The following SRRM3 variants were observed in gnomAD, a reference collection of about 807,000 sequenced individuals.
The protein encoded by SRRM3 is serine/arginine repetitive matrix 3, also known as serine/arginine repetitive matrix protein 3.
SRRM3 carries 27 observed loss-of-function variants against 66.2 expected under a neutral mutation model. The observed-to-expected ratio is 0.41, with a 90% CI of 0.30 to 0.56. SRRM3 has a LOEUF of 0.56. Ranked by LOEUF, SRRM3 falls within the 20% of genes least tolerant of loss-of-function variation. SRRM3 has a pLI of 0.32. For missense variants in SRRM3, 918 were observed against 991.9 expected, an observed-to-expected ratio of 0.93 and a Z score of 1.00; for synonymous variants, 391 against 414.9, an observed-to-expected ratio of 0.94 and a Z score of 0.70.
At position 76,248,197 on chromosome 7, in the gene SRRM3, G is replaced by C; in HGVS notation, c.243G>C (p.Glu81Asp). 6.2e-7 allele frequency: 1 copy of C among 1,613,264 alleles called. No homozygotes were observed. The highest frequency in any genetic ancestry group is 8.5e-7 in the Non-Finnish European group (1 of 1,179,634). ...QEMMEEQGYS[E>D]EEIRQKVGTF... ...CTCTGTGCCCCTGCAGGTATTCGGA[G>C]GAGGAGATTCGGCAGAAAGTGGGGA... Residue 81 changes from glutamate (E) to aspartate (D), a missense_variant, in exon 3 of 15, where the codon GAG (glutamate) becomes GAC (aspartate). Physicochemically the swap from Glu to Asp is conservative, Grantham distance 45 (BLOSUM62 2). Coordinates refer to ENST00000611745, the MANE Select transcript of SRRM3 (RefSeq NM_001110199.3).
intron 2 of SRRM3, among the ~76,000 whole-genome samples, chr7:76,246,400 C>T (rs1173381527): frequency 6.6e-6 from 1 of 151,934 alleles, no homozygotes; most frequent in Non-Finnish European, 1.5e-5. Flanking sequence ...CCCATCTCTA[C>T]TAAAAATACA....
chr7:76,254,124 T>A (rs575224500), intron 3 of SRRM3, among the ~76,000 whole-genome samples: 47 of 151,930 alleles, frequency 3.1e-4, no homozygotes, highest in Non-Finnish European at 5.7e-4. Flanking sequence ...CAAGTAGTCA[T>A]CCCACCAGGA....
chr7:76,255,562 C>T (rs1264097303), intron 3 of SRRM3, among the ~76,000 whole-genome samples: 3 of 152,192 alleles, frequency 2.0e-5, no homozygotes, highest in African/African-American at 7.2e-5. Context: ...TGGCCCCAGC[C>T]TCCCAGGTAG....
In SRRM3 at chr7:76,259,970, G is replaced by T. The variant is rs1554608297; in HGVS notation, c.400G>T (p.Asp134Tyr). The change falls in exon 4 of 15, where the codon GAT (aspartate) becomes TAT (tyrosine). Residue 134 changes from aspartate to tyrosine, a missense_variant. Transcript: ENST00000611745. ...EPGLEYAPFD[D>Y]DDGPVDCDCP... ...GGGCCTGGAGTACGCGCCCTTTGAC[G>T]ATGACGACGGCCCAGTGGACTGTGA... is the stretch of plus-strand genomic sequence containing the variant. 1 of 1,600,818 alleles carries T rather than the reference G, an allele frequency of 6.2e-7. No homozygotes were observed.
At chr7:76,243,553 T>C (rs1554605830) in intron 2 of SRRM3, among the ~76,000 whole-genome samples, 1 of 152,152 alleles carries the variant, frequency 6.6e-6, no homozygotes, top group African/African-American at 2.4e-5. Flanking sequence ...CCCCCAGCCC[T>C]GCATATATGC....
At chr7:76,253,703 C>T (rs1377761729) in intron 3 of SRRM3, among the ~76,000 whole-genome samples, 1 of 149,870 alleles carries the variant, frequency 6.7e-6, no homozygotes, top group Non-Finnish European at 1.5e-5. Context: ...GTCATCCTAG[C>T]TTCTCGGGAG....
chr7:76,212,463 G>A (rs1343220094), intron 1 of SRRM3, among the ~76,000 whole-genome samples: 9 of 124,738 alleles, frequency 7.2e-5, no homozygotes, highest in Non-Finnish European at 1.3e-4. Flanking sequence ...AGCAAGGTCT[G>A]CTTTTTTTTT....
intron 1 of SRRM3, among the ~76,000 whole-genome samples, chr7:76,209,806 A>G (rs140961076): frequency 1.1e-4 from 16 of 152,088 alleles, no homozygotes; most frequent in South Asian, 6.2e-4. Context: ...GGGTTTTGCT[A>G]TGTTGCCCAG....
At chr7:76,256,486 G>A (rs577774014) in intron 3 of SRRM3, among the ~76,000 whole-genome samples, 421 of 151,332 alleles carry the variant, frequency 2.8e-3, no homozygotes, top group Non-Finnish European at 4.0e-3. Context: ...CAGCCTGGGC[G>A]ACAAGAGCAA....
At chr7:76,282,539 T>A in intron 12 of SRRM3, 109 bp from the exon 13 acceptor site, 23 of 561,262 alleles carry the variant, frequency 4.1e-5, no homozygotes, top group East Asian at 9.0e-5. Context: ...GACCACAAAC[T>A]ACACGGACCC....
chr7:76,225,054 G>A (rs1800822804), intron 1 of SRRM3, among the ~76,000 whole-genome samples: 1 of 152,094 alleles, frequency 6.6e-6, no homozygotes, highest in Admixed American at 6.6e-5. Flanking sequence ...CTTCCGAAAG[G>A]GTTTTGTGGC....
At chr7:76,223,246 T>C (rs74981985) in intron 1 of SRRM3, among the ~76,000 whole-genome samples, 2,221 of 152,248 alleles carry the variant, frequency 0.015, 59 homozygotes, top group African/African-American at 0.05. Context: ...TGATGGGGTG[T>C]CTCTTGGTCC....
intron 8 of SRRM3, among the ~76,000 whole-genome samples, chr7:76,262,531 A>C (rs958201130): frequency 7.3e-5 from 11 of 151,326 alleles, no homozygotes; most frequent in South Asian, 4.2e-4. Context: ...AAAAAAAAAA[A>C]AAAACAAAGT....
At chr7:76,232,783 G>T (rs1051348671) in intron 1 of SRRM3, among the ~76,000 whole-genome samples, 2 of 152,126 alleles carry the variant, frequency 1.3e-5, no homozygotes, top group East Asian at 3.9e-4. Context: ...GCCATGTTAC[G>T]GCTTTAAGCC....
At chr7:76,235,632 G>A (rs1353938865) in intron 2 of SRRM3, among the ~76,000 whole-genome samples, 1 of 152,050 alleles carries the variant, frequency 6.6e-6, no homozygotes, top group East Asian at 1.9e-4. Context: ...TTGAAAGGCC[G>A]AGGCGAGCGG....
chr7:76,261,430 C>T lies in SRRM3; in HGVS notation c.638+16C>T, dbSNP rs572005973. On this transcript the variant is annotated intron_variant, in intron 7 of 14. Coordinates refer to ENST00000611745, the MANE Select transcript of SRRM3 (RefSeq NM_001110199.3). The stretch of plus-strand genomic sequence containing the variant: ...GCCGAGACAGGTACCCTTGCTGCCC[C>T]CACCCTGGGGCCTCCTCTTCCTCCC... 259 of 1,604,592 alleles carry T rather than the reference C, an allele frequency of 1.6e-4. No homozygotes were observed. Among genetic ancestry groups the T allele is most frequent in the Non-Finnish European group, 2.0e-4 (238 of 1,175,746 alleles).
At chr7:76,221,991 A>G (rs914928014) in intron 1 of SRRM3, among the ~76,000 whole-genome samples, 8 of 152,220 alleles carry the variant, frequency 5.3e-5, no homozygotes, top group African/African-American at 1.9e-4. Context: ...TACAGATAAG[A>G]AAGAGGTTAA....
At chr7:76,231,039 C>T (rs567448647) in intron 1 of SRRM3, among the ~76,000 whole-genome samples, 1 of 152,294 alleles carries the variant, frequency 6.6e-6, no homozygotes, top group South Asian at 2.1e-4. Flanking sequence ...GTGTGAGCCA[C>T]TGCGCCCAGC....
At chr7:76,261,003 G>C in intron 6 of SRRM3, 100 bp downstream of exon 6, 2 of 1,312,284 alleles carry the variant, frequency 1.5e-6, no homozygotes, top group Non-Finnish European at 2.1e-6. Flanking sequence ...TGGACCCTCA[G>C]GGCCTGCACC....
Sources: allele counts gnomAD v4.1 joint callset (sites outside exome capture counted in the v4.1 genomes callset), GRCh38; gene constraint gnomAD v4.1.1; transcripts MANE v1.5; gene names NCBI Gene and HGNC (gene_info 2026-07-23, HGNC 2026-07-21).